SPAG9: variants seen among roughly 807,000 people sequenced by gnomAD.
SPAG9 encodes sperm associated antigen 9.
A neutral mutation model predicts 166.5 loss-of-function variants in SPAG9; 35 were observed. The ratio of observed to expected loss-of-function variants is 0.21; its 90% CI spans 0.16 to 0.28. The LOEUF is 0.28. Among genes scored for constraint, SPAG9 ranks in the 10% least tolerant of loss-of-function variants. The pLI is 1.00. For missense variants in SPAG9, 1,235 were observed against 1,603.3 expected, an observed-to-expected ratio of 0.77 and a Z score of 3.92; for synonymous variants, 534 against 565.5, an observed-to-expected ratio of 0.94 and a Z score of 0.79.
intron 1 of SPAG9, among the ~76,000 whole-genome samples, chr17:51,113,605 G>A (rs576897000): frequency 9.3e-5 from 14 of 150,936 alleles, no homozygotes; most frequent in Middle Eastern, 6.8e-3. Flanking sequence ...GCTTGAACCC[G>A]GGAGGCAGAG....
intron 6 of SPAG9, among the ~76,000 whole-genome samples, chr17:51,023,777 G>A (rs902557579): frequency 6.6e-6 from 1 of 152,054 alleles, no homozygotes. Context: ...CGATTCTCGT[G>A]CCTCAGTCCC....
At chr17:51,119,939 G>A (rs937848917) in intron 1 of SPAG9, among the ~76,000 whole-genome samples, 2 of 152,200 alleles carry the variant, frequency 1.3e-5, no homozygotes, top group Non-Finnish European at 2.9e-5. Context: ...GGAACTAGCG[G>A]AAGTTACATA....
intron 1 of SPAG9, among the ~76,000 whole-genome samples, chr17:51,092,743 T>C (rs2048502166): frequency 6.9e-6 from 1 of 144,068 alleles, no homozygotes; most frequent in Non-Finnish European, 1.5e-5. Flanking sequence ...GAGAGACCCT[T>C]GTCTCTACAA....
rs887991491 is a variant in SPAG9 at position 50,995,506 on chromosome 17, T to A, written c.1996A>T (p.Met666Leu). ...TAGACAGGCACAGGTAAATTTTTCA[T>A]CTTATTTTCACCTTGACCATTGGTT... ...QVTNGQGENK[M>L]KNLPVPVYLR... The change falls in exon 17 of 30, where the codon ATG (methionine) becomes TTG (leucine). Residue 666 changes from methionine to leucine, a missense_variant. By Grantham distance (15) the Met-to-Leu change is conservative. Coordinates refer to ENST00000262013, the MANE Select transcript of SPAG9 (RefSeq NM_001130528.3). 3 of 1,611,370 alleles carry A rather than the reference T, an allele frequency of 1.9e-6. No homozygotes were observed. Among genetic ancestry groups the A allele is most frequent in the Non-Finnish European group, 2.5e-6 (3 of 1,177,606 alleles).
At position 51,073,047 on chromosome 17, in the gene SPAG9, C is replaced by A. The variant is rs190183349; in HGVS notation, c.424+6537G>T. 2.6e-3 allele frequency among the ~76,000 whole-genome samples: 395 copies of A among 152,002 alleles called. 1 individual carries two copies. Among genetic ancestry groups the A allele is most frequent in the Non-Finnish European group, 4.0e-3 (275 of 67,962 alleles). On this transcript the variant is annotated intron_variant, in intron 2 of 29. Transcript: ENST00000262013. ...TCTACAAAAAATACAAAACTTCAGC[C>A]GGGCGCGGTGGCTCATGCCTGTAAT... is the stretch of plus-strand genomic sequence containing the variant.
Position 50,974,845 on chromosome 17 carries a change from T to C in SPAG9, c.3626A>G (p.Tyr1209Cys), listed in dbSNP as rs1268567437. 2.5e-6 allele frequency: 4 copies of C among 1,611,888 alleles called. No individual in the cohort carries two copies. The highest frequency in any genetic ancestry group is 3.4e-6 in the Non-Finnish European group (4 of 1,179,650). Residue 1209 changes from tyrosine (Y) to cysteine (C), a missense_variant, in exon 28 of 30, where the codon TAT becomes TGT. By Grantham distance (194) the Tyr-to-Cys change is radical. This residue lies in a region of SPAG9 where 243 missense variants were observed against 358.6 expected (regional missense o/e 0.68). Transcript: ENST00000262013. ...AAGCTGTGCATGTGCCATTGAACAA[T>C]AGGGTATAAATGTCCCTGGAGTCAC... is the stretch of plus-strand genomic sequence containing the variant. ...DKVTPGTFIP[Y>C]CSMAHAQLCF...
At chr17:50,995,257 C>A (rs1359126516) in intron 17 of SPAG9, 33 bp from the exon 18 acceptor site, 1 of 1,587,540 alleles carries the variant, frequency 6.3e-7, no homozygotes. Context: ...AATATTAAGT[C>A]TAGAAATGTT....
chr17:51,008,724 A>T (rs1265928620), intron 9 of SPAG9, among the ~76,000 whole-genome samples: 1 of 152,174 alleles, frequency 6.6e-6, no homozygotes, highest in East Asian at 1.9e-4. Context: ...TAGATTAATC[A>T]TCTACCTATG....
intron 1 of SPAG9, among the ~76,000 whole-genome samples, chr17:51,092,102 T>C (rs2048483112): frequency 6.6e-6 from 1 of 152,028 alleles, no homozygotes; most frequent in Non-Finnish European, 1.5e-5. Flanking sequence ...ATAGTACTTG[T>C]CTAAAAAATA....
At chr17:51,089,660 A>ATG (rs1290453308) in intron 1 of SPAG9, among the ~76,000 whole-genome samples, 20 of 105,278 alleles carry the variant, frequency 1.9e-4, no homozygotes, top group Non-Finnish European at 3.5e-4. Context: ...ATATATATAT[A>ATG]TATACACATA....
At position 51,061,612 on chromosome 17, in the gene SPAG9, C is replaced by CAAAAA. The variant is rs34010166; in HGVS notation, c.425-5135_425-5131dup. On this transcript the variant is annotated intron_variant, in intron 2 of 29. Transcript: ENST00000262013. ...GCAACAAGAGCGAAAGCTCTGTCTCCAAAAAAAAAAAAAAAAAAAAAAAAA... is the reference window on the plus strand; with the variant it reads ...GCAACAAGAGCGAAAGCTCTGTCTCCAAAAAAAAAAAAAAAAAAAAAAAAAAAAAA... 7.5e-3 allele frequency among the ~76,000 whole-genome samples: 237 copies of CAAAAA among 31,706 alleles called. 10 individuals carry two copies. The highest frequency in any genetic ancestry group is 0.022 in the African/African-American group (216 of 9,602). The allele number at this position is 31,706 out of a possible 152,430, so 20.8% of individuals were successfully genotyped here.
chr17:50,966,476 G>T, intron 29 of SPAG9, 89 bp from the exon 30 acceptor site: 1 of 840,994 alleles, frequency 1.2e-6, no homozygotes, highest in Non-Finnish European at 2.0e-6. Flanking sequence ...GTTAGTCCAT[G>T]AACAAGATGC....
rs560952385 is a variant in SPAG9 at position 51,023,957 on chromosome 17, C to T, written c.784-2592G>A. On this transcript the variant is annotated intron_variant, in intron 6 of 29. Transcript: ENST00000262013. ...CTGGGATTACAGGCGTGAGCCATTG[C>T]GCCCAGCCGATTTTTCTAAATAGAA... Among the ~76,000 whole-genome samples the T allele has an allele frequency of 5.3e-5, 8 of 152,256 alleles. No individual in the cohort carries two copies. The East Asian group carries it at 7.7e-4, about 15-fold the overall frequency.
chr17:50,984,447 G>A (rs1014748471), intron 24 of SPAG9, among the ~76,000 whole-genome samples: 2 of 152,198 alleles, frequency 1.3e-5, no homozygotes, highest in African/African-American at 4.8e-5. Context: ...AGCACTTTGG[G>A]AAGCCAAAGC....
intron 23 of SPAG9, 75 bp downstream of exon 23, chr17:50,985,623 C>T (rs192015025): frequency 2.3e-5 from 18 of 793,208 alleles, no homozygotes; most frequent in Middle Eastern, 4.9e-4. Flanking sequence ...CATGTATTAG[C>T]TTTCAAAGTC....
intron 16 of SPAG9, chr17:50,996,310 G>T: frequency 2.4e-6 from 1 of 424,706 alleles, no homozygotes; most frequent in East Asian, 3.8e-5. Flanking sequence ...CAGCAGAGCG[G>T]GTACCTCAAA....
chr17:51,062,114 T>C (rs1468487972), intron 2 of SPAG9, among the ~76,000 whole-genome samples: 1 of 152,196 alleles, frequency 6.6e-6, no homozygotes, highest in Non-Finnish European at 1.5e-5. Flanking sequence ...TAATTTTTAA[T>C]AGACTTTATT....
chr17:50,970,913 G>GTTT, intron 28 of SPAG9, 57 bp from the exon 29 acceptor site: 58 of 1,120,820 alleles, frequency 5.2e-5, no homozygotes, highest in Middle Eastern at 2.4e-4. Context: ...AGGCTGTTTT[G>GTTT]TTTTTTTTTT....
intron 1 of SPAG9, among the ~76,000 whole-genome samples, chr17:51,093,033 C>A (rs1174697779): frequency 1.4e-5 from 2 of 143,706 alleles, no homozygotes; most frequent in Non-Finnish European, 3.0e-5. Flanking sequence ...ATATATTCTA[C>A]TATTCTCGGT....
Sources: allele counts gnomAD v4.1 joint callset (sites outside exome capture counted in the v4.1 genomes callset), GRCh38; gene constraint gnomAD v4.1.1; regional missense constraint gnomAD v4.1.1; transcripts MANE v1.5; gene names NCBI Gene and HGNC (gene_info 2026-07-23, HGNC 2026-07-21).